Variants in UPF2 observed in about 807,000 individuals in gnomAD.
UPF2 encodes UPF2 regulator of nonsense mediated mRNA decay.
In UPF2, 17 loss-of-function variants were observed where a neutral mutation model predicts 141.4. That is an observed-to-expected ratio of 0.12 (90% CI 0.08 to 0.18). UPF2 has a LOEUF of 0.18. Ranked by LOEUF, UPF2 falls within the 10% of genes least tolerant of loss-of-function variation. The pLI is 1.00. For synonymous variants in UPF2, 540 were observed against 498.0 expected (o/e 1.08, Z -1.12); for missense variants, 1,152 against 1,515.9 (o/e 0.76, Z 3.99).
chr10:11,930,292 G>A (rs140930341), intron 20 of UPF2, among the ~76,000 whole-genome samples: 3 of 145,178 alleles, frequency 2.1e-5, no homozygotes, highest in Non-Finnish European at 4.6e-5. Context: ...TGTGTAGAGC[G>A]AGACTACTGG....
chr10:11,978,841 T>C (rs1418649939), intron 9 of UPF2, among the ~76,000 whole-genome samples: 3 of 152,166 alleles, frequency 2.0e-5, no homozygotes, highest in South Asian at 2.1e-4. Flanking sequence ...GGGAACAAGG[T>C]AGCAGGAACA....
chr10:12,032,737 CAA>C (rs1291360872), intron 2 of UPF2, among the ~76,000 whole-genome samples: 60 of 90,860 alleles, frequency 6.6e-4, no homozygotes, highest in Admixed American at 5.9e-4. Flanking sequence ...GACCCTGTCT[CAA>C]AAAAAAAAAA....
intron 5 of UPF2, among the ~76,000 whole-genome samples, 163 bp from the exon 6 acceptor site, chr10:12,001,988 C>T (rs187977682): frequency 6.6e-6 from 1 of 152,204 alleles, no homozygotes; most frequent in African/African-American, 2.4e-5. Flanking sequence ...ACATTATGCT[C>T]GGCTGGGCAT....
intron 9 of UPF2, among the ~76,000 whole-genome samples, chr10:11,973,280 A>ATTAG (rs1833451145): frequency 6.6e-6 from 1 of 152,176 alleles, no homozygotes; most frequent in South Asian, 2.1e-4. Flanking sequence ...GATTCTGGAT[A>ATTAG]TTAGCCCTTT....
At chr10:12,004,470 T>C (rs1216290824) in intron 5 of UPF2, 60 bp downstream of exon 5, 2 of 1,335,078 alleles carry the variant, frequency 1.5e-6, no homozygotes, top group African/African-American at 3.0e-5. Context: ...TTTTTACAAA[T>C]ACTATTTTGA....
At chr10:12,038,299 G>C (rs1024285978) in intron 1 of UPF2, among the ~76,000 whole-genome samples, 3 of 151,070 alleles carry the variant, frequency 2.0e-5, no homozygotes, top group South Asian at 2.1e-4. Context: ...AGAACTGCTT[G>C]AACCCAGAAA....
At position 12,042,329 on chromosome 10, in the gene UPF2, C is replaced by G. The variant is rs1031811986; in HGVS notation, c.-19+426G>C. Among the ~76,000 whole-genome samples, 7 of 152,176 alleles carry G rather than the reference C, an allele frequency of 4.6e-5. No individual in the cohort carries two copies. Among genetic ancestry groups the G allele is most frequent in the African/African-American group, 1.7e-4 (7 of 41,442 alleles). ...AGCCTTCCCGGCCGGTCTCCCCACT[C>G]CGCAGCCTCCCACACACGCGCCCTC... On this transcript the variant is annotated intron_variant, in intron 1 of 21. Transcript: ENST00000357604. This position sits in a 1 kb window ranked among gnomAD's most constrained non-coding sequence, Gnocchi z 5.5.
At chr10:11,972,869 C>T (rs1427407919) in intron 9 of UPF2, among the ~76,000 whole-genome samples, 1 of 151,178 alleles carries the variant, frequency 6.6e-6, no homozygotes, top group Non-Finnish European at 1.5e-5. Context: ...TTTATAGCAG[C>T]ATGATTTATA....
At chr10:11,926,569 G>C (rs555352588) in intron 21 of UPF2, among the ~76,000 whole-genome samples, 2 of 152,384 alleles carry the variant, frequency 1.3e-5, no homozygotes, top group East Asian at 3.9e-4. Context: ...CAGATGCCAA[G>C]GAAGGGTCTG....
At chr10:12,037,402 C>CTTT (rs59226793) in intron 1 of UPF2, among the ~76,000 whole-genome samples, 7 of 122,282 alleles carry the variant, frequency 5.7e-5, no homozygotes, top group African/African-American at 9.3e-5. Context: ...TTTTGTTTTT[C>CTTT]TTTTTTTTTT....
chr10:11,995,675 C>T (rs1021058340), intron 8 of UPF2, among the ~76,000 whole-genome samples: 1 of 151,872 alleles, frequency 6.6e-6, no homozygotes, highest in Admixed American at 6.6e-5. Flanking sequence ...CCCAGCTACT[C>T]GGGAGGCTGA....
At chr10:12,024,871 C>T (rs1701483) in intron 3 of UPF2, among the ~76,000 whole-genome samples, 5 of 135,472 alleles carry the variant, frequency 3.7e-5, no homozygotes, top group Non-Finnish European at 6.1e-5. Flanking sequence ...GAGGTCAAGG[C>T]TACACTGAGC....
intron 8 of UPF2, among the ~76,000 whole-genome samples, chr10:11,994,893 G>T (rs543348474): frequency 2.7e-5 from 4 of 145,654 alleles, no homozygotes; most frequent in South Asian, 4.4e-4. Flanking sequence ...GGAGAATGGC[G>T]TGAACCTGGG....
At position 12,028,855 on chromosome 10, in the gene UPF2, A is replaced by G; in HGVS notation, c.1035T>C (p.Ser345=). Residue 345 remains serine (S), a synonymous_variant, in exon 3 of 22, where the codon AGT becomes AGC. Coordinates refer to ENST00000357604, the MANE Select transcript of UPF2 (RefSeq NM_015542.4). ...TCTGGAAGGGCTGTTGTTTCTCTGGACTAATTATCTCACTAGGAGGAAAAC... is the reference window on the plus strand; with the variant it reads ...TCTGGAAGGGCTGTTGTTTCTCTGGGCTAATTATCTCACTAGGAGGAAAAC... ...NLSFPPSEII[S]PEKQQPFQNL... The G allele has an allele frequency of 6.2e-7, 1 of 1,614,154 alleles. No homozygotes were observed.
intron 11 of UPF2, among the ~76,000 whole-genome samples, chr10:11,963,765 A>C (rs531131352): frequency 6.6e-6 from 1 of 152,336 alleles, no homozygotes; most frequent in East Asian, 1.9e-4. Context: ...TCATTTGTTA[A>C]AAGTGTTACA....
In UPF2 at chr10:12,019,297, T is replaced by A; in HGVS notation, c.1146-5113A>T. ...CAATATGTAAACAAATGAGGGTGAC[T>A]GTAATAAAATGTTATTTATGAACAC... On this transcript the variant is annotated intron_variant, in intron 3 of 21. Transcript: ENST00000357604. The surrounding 1 kb of genome is among the most constrained non-coding windows in gnomAD (Gnocchi z 4.5). Among the ~76,000 whole-genome samples, 1 of 152,246 alleles carries A rather than the reference T, an allele frequency of 6.6e-6. No individual in the cohort carries two copies. Among genetic ancestry groups the A allele is most frequent in the East Asian group, 1.9e-4 (1 of 5,198 alleles).
intron 3 of UPF2, among the ~76,000 whole-genome samples, chr10:12,028,380 T>C (rs1465102939): frequency 6.6e-6 from 1 of 152,154 alleles, no homozygotes; most frequent in Non-Finnish European, 1.5e-5. Context: ...AAAGCAAACC[T>C]GTTATAGAGA....
chr10:11,947,333 G>C (rs1317886536), intron 16 of UPF2, among the ~76,000 whole-genome samples: 1 of 152,154 alleles, frequency 6.6e-6, no homozygotes, highest in African/African-American at 2.4e-5. Context: ...CAAAAAGGGT[G>C]TATCAATTAC....
intron 3 of UPF2, among the ~76,000 whole-genome samples, chr10:12,027,165 G>T (rs778084434): frequency 8.5e-5 from 13 of 152,112 alleles, no homozygotes; most frequent in Non-Finnish European, 1.9e-4. Context: ...GTTTCCAACA[G>T]TGCAATGGCA....
Sources: gnomAD v4.1 joint callset for allele counts (sites outside exome capture counted in the v4.1 genomes callset) on GRCh38, gnomAD v4.1.1 for gene constraint, Gnocchi (gnomAD v3.1) non-coding constraint, MANE v1.5 for transcripts, NCBI Gene and HGNC (gene_info 2026-07-23, HGNC 2026-07-21) for gene names.